The following NRAS variants were observed in gnomAD, a reference collection of about 807,000 sequenced individuals.
NRAS encodes NRAS proto-oncogene, GTPase, also known as GTPase NRas.
NRAS carries 6 observed loss-of-function variants against 21.3 expected under a neutral mutation model. The ratio of observed to expected loss-of-function variants is 0.28; its 90% confidence interval spans 0.15 to 0.56. The LOEUF (loss-of-function observed/expected upper bound fraction) is 0.56. Among genes scored for constraint, NRAS ranks in the 20% least tolerant of loss-of-function variants. The probability of loss-of-function intolerance (pLI) is 0.93; values close to 1 mark genes in which losing one functional copy is unlikely to be tolerated. For missense variants in NRAS, 143 were observed against 231.3 expected (o/e 0.62, Z 2.48); for synonymous variants, 84 against 82.0 (o/e 1.02, Z -0.13).
chr1:114,710,560 AAAGT>A (rs1659024306), intron 3 of NRAS, among the ~76,000 whole-genome samples: 1 of 151,792 alleles, frequency 6.6e-6, no homozygotes, highest in Non-Finnish European at 1.5e-5. Context: ...AAAGAGAAAG[AAAGT>A]GAGAGCGAGA....
At chr1:114,708,739 C>CT in intron 4 of NRAS, 85 bp from the exon 5 acceptor site, 1 of 1,259,526 alleles carries the variant, frequency 7.9e-7, no homozygotes, top group Non-Finnish European at 1.2e-6. Context: ...ATTTGTATCT[C>CT]TTTATGTGGA....
rs781031114 is a variant in NRAS, at chr1:114,716,033, C to T, written c.111+17G>A. On this transcript the variant is annotated intron_variant, in intron 2 of 6. Coordinates refer to ENST00000369535, the MANE Select transcript of NRAS (RefSeq NM_002524.5). Reference sequence around the variant, plus strand: ...TGAGAGACAGGATCAGGTCAGCGGGCTACCACTGGGCCTCACCTCTATGGT... The same window carrying T: ...TGAGAGACAGGATCAGGTCAGCGGGTTACCACTGGGCCTCACCTCTATGGT... The T allele has an allele frequency of 2.8e-6, 4 of 1,438,770 alleles. No homozygotes were observed. Among genetic ancestry groups the T allele is most frequent in the Non-Finnish European group, 3.9e-6 (4 of 1,019,572 alleles). 89.1% of individuals were successfully genotyped at this position (1,438,770 alleles called of 1,614,324 possible). A position where few individuals can be genotyped will look rare whatever the true frequency, so the allele number is the denominator to read the frequency against.
At chr1:114,708,761 A>C (rs1311756608) in intron 4 of NRAS, 107 bp from the exon 5 acceptor site, 5 of 1,001,486 alleles carry the variant, frequency 5.0e-6, no homozygotes, top group Middle Eastern at 4.2e-4. Flanking sequence ...ATAAGATTCC[A>C]ATTACTAAAC....
intron 2 of NRAS, among the ~76,000 whole-genome samples, chr1:114,714,765 T>G (rs570475185): frequency 6.6e-6 from 1 of 152,210 alleles, no homozygotes; most frequent in Non-Finnish European, 1.5e-5. Context: ...ATTTTACTTA[T>G]GTAAATTGCT....
chr1:114,709,702 G>A lies in NRAS; in HGVS notation c.317C>T (p.Ser106Leu), dbSNP rs797045795. 6.2e-7 allele frequency: 1 copy of A among 1,613,448 alleles called. No homozygotes were observed. Among genetic ancestry groups the A allele is most frequent in the Non-Finnish European group, 8.5e-7 (1 of 1,179,416 alleles). Residue 106 changes from serine to leucine, a missense_variant, in exon 4 of 7, where the codon TCG becomes TTG. Physicochemically the swap from Ser to Leu is moderately radical, Grantham distance 145 (BLOSUM62 -2). Transcript: ENST00000369535. ...CACTAGCACCATAGGTACATCATCCGAGTCTTTTACTCGCTTAATCTGCTC... is the reference window on the plus strand; with the variant it reads ...CACTAGCACCATAGGTACATCATCCAAGTCTTTTACTCGCTTAATCTGCTC... ...YREQIKRVKDSDDVPMVLVGN... is the reference protein window; with the variant it reads ...YREQIKRVKDLDDVPMVLVGN...
At chr1:114,715,105 T>G (rs1332697393) in intron 2 of NRAS, among the ~76,000 whole-genome samples, 1 of 152,058 alleles carries the variant, frequency 6.6e-6, no homozygotes, top group Non-Finnish European at 1.5e-5. Flanking sequence ...CTCGGCTCAC[T>G]GCACCCTCTG....
intron 1 of NRAS, among the ~76,000 whole-genome samples, 157 bp from the exon 2 acceptor site, chr1:114,716,334 C>T (rs1353962828): frequency 2.0e-5 from 3 of 152,218 alleles, no homozygotes; most frequent in Non-Finnish European, 4.4e-5. Flanking sequence ...ATCGGCCTCA[C>T]ACTTCTGGAG....
intron 4 of NRAS, 27 bp downstream of exon 4, chr1:114,709,542 G>A (rs2101738533): frequency 1.0e-5 from 16 of 1,598,732 alleles, no homozygotes; most frequent in Non-Finnish European, 1.4e-5. Context: ...GCAAACTCTT[G>A]CACAAATGCT....
chr1:114,715,267 C>T (rs976448640), intron 2 of NRAS, among the ~76,000 whole-genome samples: 1 of 152,080 alleles, frequency 6.6e-6, no homozygotes, highest in Admixed American at 6.5e-5. Flanking sequence ...CCTTGTGATC[C>T]GCCTGCCTCA....
At chr1:114,711,179 G>A (rs1659035776) in intron 3 of NRAS, among the ~76,000 whole-genome samples, 1 of 152,036 alleles carries the variant, frequency 6.6e-6, no homozygotes, top group Admixed American at 6.6e-5. Context: ...TGGCACATGT[G>A]CCTGTGGTTC....
At chr1:114,714,783 TCAAA>T (rs1336373138) in intron 2 of NRAS, among the ~76,000 whole-genome samples, 1 of 152,080 alleles carries the variant, frequency 6.6e-6, no homozygotes, top group Middle Eastern at 3.2e-3. Flanking sequence ...GCTCAATAAA[TCAAA>T]CATTTAAAAA....
intron 3 of NRAS, among the ~76,000 whole-genome samples, chr1:114,710,901 G>C (rs1659030749): frequency 6.6e-6 from 1 of 152,218 alleles, no homozygotes; most frequent in Non-Finnish European, 1.5e-5. Flanking sequence ...AAGGTCTAAA[G>C]TATAAAAAGT....
chr1:114,711,145 AAT>A (rs1424066491), intron 3 of NRAS, among the ~76,000 whole-genome samples: 2 of 152,112 alleles, frequency 1.3e-5, no homozygotes, highest in Non-Finnish European at 2.9e-5. Flanking sequence ...TTCTACAAAA[AAT>A]ACAAAAATTA....
chr1:114,710,190 C>T (rs1279920866), intron 3 of NRAS, among the ~76,000 whole-genome samples: 1 of 131,758 alleles, frequency 7.6e-6, no homozygotes, highest in Non-Finnish European at 1.6e-5. Flanking sequence ...GACTCCATCC[C>T]CCCCAACCCC....
intron 1 of NRAS, 111 bp from the exon 2 acceptor site, chr1:114,716,288 T>C: frequency 1.3e-6 from 1 of 760,834 alleles, no homozygotes; most frequent in Non-Finnish European, 2.4e-6. Context: ...ATTTGGTTCT[T>C]AAAGTGACTA....
At chr1:114,712,633 A>G (rs2101741033) in intron 3 of NRAS, among the ~76,000 whole-genome samples, 1 of 152,324 alleles carries the variant, frequency 6.6e-6, no homozygotes, top group East Asian at 1.9e-4. Flanking sequence ...TCAGTGTTGG[A>G]CCAATCTGCT....
intron 2 of NRAS, among the ~76,000 whole-genome samples, chr1:114,715,376 C>G (rs942520581): frequency 1.3e-5 from 2 of 152,150 alleles, no homozygotes; most frequent in Non-Finnish European, 2.9e-5. Flanking sequence ...ACAATCTGTA[C>G]CATGAACTCT....
chr1:114,711,810 G>C (rs1659052853), intron 3 of NRAS, among the ~76,000 whole-genome samples: 1 of 152,082 alleles, frequency 6.6e-6, no homozygotes, highest in Non-Finnish European at 1.5e-5. Context: ...AGATTGTCTT[G>C]ACCAACACAA....
chr1:114,712,892 C>T (rs1659076799), intron 3 of NRAS, among the ~76,000 whole-genome samples: 1 of 152,226 alleles, frequency 6.6e-6, no homozygotes, highest in African/African-American at 2.4e-5. Context: ...GCAGAGTTCT[C>T]ATTCTTAACC....
Sources: gnomAD v4.1 joint callset for allele counts (sites outside exome capture counted in the v4.1 genomes callset) on GRCh38, gnomAD v4.1.1 for gene constraint, MANE v1.5 for transcripts, NCBI Gene and HGNC (gene_info 2026-07-23, HGNC 2026-07-21) for gene names.